Variants in COL28A1 observed in about 807,000 individuals in gnomAD.
COL28A1 encodes the protein collagen alpha-1(XXVIII) chain.
COL28A1 carries 161 observed loss-of-function variants against 150.2 expected under a neutral mutation model. The ratio of observed to expected loss-of-function variants is 1.07; its 90% CI spans 0.94 to 1.22. The LOEUF is 1.22. Among genes scored for constraint, COL28A1 ranks in the 50% most tolerant of loss-of-function variants. The pLI, the probability that COL28A1 is intolerant of heterozygous loss-of-function variation, is 0.00. For missense variants in COL28A1, 1,617 were observed against 1,388.3 expected, an observed-to-expected ratio of 1.16 and a Z score of -2.62; for synonymous variants, 552 against 469.7, an observed-to-expected ratio of 1.18 and a Z score of -2.26.
At chr7:7,411,221 C>T (rs769644761) in intron 27 of COL28A1, among the ~76,000 whole-genome samples, 38 of 152,176 alleles carry the variant, frequency 2.5e-4, no homozygotes, top group Non-Finnish European at 3.1e-4. Context: ...TGTGGCACAA[C>T]TGAGACAAAC....
intron 27 of COL28A1, among the ~76,000 whole-genome samples, chr7:7,416,454 T>G (rs751798695): frequency 6.6e-6 from 1 of 152,200 alleles, no homozygotes; most frequent in Non-Finnish European, 1.5e-5. Flanking sequence ...CCTAACAGCA[T>G]GTGTGAACTG....
intron 25 of COL28A1, among the ~76,000 whole-genome samples, chr7:7,431,005 T>A (rs1365474856): frequency 6.6e-6 from 1 of 152,146 alleles, no homozygotes; most frequent in Non-Finnish European, 1.5e-5. Flanking sequence ...GTGGCAGCTA[T>A]CAAGATTCCC....
At chr7:7,381,193 T>G (rs1198085488) in intron 28 of COL28A1, among the ~76,000 whole-genome samples, 1 of 152,170 alleles carries the variant, frequency 6.6e-6, no homozygotes, top group African/African-American at 2.4e-5. Context: ...ATGTTGTAAG[T>G]ATGTTGTAAG....
intron 20 of COL28A1, among the ~76,000 whole-genome samples, chr7:7,443,077 G>T (rs1785938258): frequency 6.6e-6 from 1 of 151,888 alleles, no homozygotes; most frequent in African/African-American, 2.4e-5. Context: ...AATCTTAGGG[G>T]CTATAGGTTA....
At chr7:7,419,984 A>AG in intron 25 of COL28A1, 31 bp from the exon 26 acceptor site, 1 of 1,472,550 alleles carries the variant, frequency 6.8e-7, no homozygotes, top group African/African-American at 1.5e-5. Flanking sequence ...ACAAGTTACT[A>AG]ATTTTTTAAA....
At position 7,474,664 on chromosome 7, in the gene COL28A1, T is replaced by C. The variant is rs774572375; in HGVS notation, c.1239A>G (p.Glu413=). Residue 413 remains glutamate (E), a synonymous_variant, in exon 15 of 35, where the codon GAA becomes GAG. Transcript: ENST00000399429. ...PGEGFPGPKG[E]KGSEGPTGPQ... ...GGCCAGTTGGTCCTTCAGAACCTTT[T>C]TCACCCTGAAAGTACAAGGGAGGGA... The C allele has an allele frequency of 7.3e-6, 10 of 1,374,458 alleles. No individual in the cohort carries two copies. The East Asian group carries it at 2.1e-4, about 28-fold the overall frequency. 85.1% of individuals were successfully genotyped at this position (1,374,458 alleles called of 1,614,324 possible).
upstream of COL28A1, among the ~76,000 whole-genome samples, chr7:7,536,691 C>T (rs986311146): frequency 1.3e-5 from 2 of 152,112 alleles, no homozygotes; most frequent in Admixed American, 6.6e-5. Context: ...GCAAGATCAT[C>T]CGAGAAAGCA....
At chr7:7,480,904 C>T (rs1047937878) in intron 13 of COL28A1, among the ~76,000 whole-genome samples, 1 of 152,176 alleles carries the variant, frequency 6.6e-6, no homozygotes, top group African/African-American at 2.4e-5. Flanking sequence ...GCACAACATC[C>T]TCCTCAAAAT....
Position 7,479,903 on chromosome 7 carries a change from T to C in COL28A1, c.1165-2723A>G, listed in dbSNP as rs192703474. Among the ~76,000 whole-genome samples the C allele has an allele frequency of 6.2e-4, 94 of 152,308 alleles. 1 individual carries two copies. The highest frequency in any genetic ancestry group is 2.1e-3 in the African/African-American group (89 of 41,568). On this transcript the variant is annotated intron_variant, in intron 13 of 34. Transcript: ENST00000399429. ...TCTTCTTGGCCAGAAGGTAAAAAAG[T>C]AGTAAAGGAACTTACAACAAGAATC...
In COL28A1 at chr7:7,358,716, G is replaced by A. The variant is rs148652610; in HGVS notation, c.3295C>T (p.Arg1099Ter). 13 of 1,613,874 alleles carry A rather than the reference G, an allele frequency of 8.1e-6. No homozygotes were observed. Among genetic ancestry groups the A allele is most frequent in the South Asian group, 4.4e-5 (4 of 91,064 alleles). The change falls in exon 35 of 35, where the codon CGA becomes TGA. Residue 1099 changes from arginine (R) to a stop codon, truncating the protein, a stop_gained. Transcript: ENST00000399429. LOFTEE classifies it high-confidence loss of function. Reference sequence around the variant, plus strand: ...CCATTACAGCCACTGAACCAAAATCGGGCACAAGAGTTGACCTGTTTGTCA... The same window carrying A: ...CCATTACAGCCACTGAACCAAAATCAGGCACAAGAGTTGACCTGTTTGTCA... ...YYDKQVNSCA[R>*]FWFSGCNGSG...
chr7:7,417,395 G>A (rs1267262258), intron 27 of COL28A1, among the ~76,000 whole-genome samples: 4 of 150,240 alleles, frequency 2.7e-5, no homozygotes, highest in African/African-American at 9.9e-5. Context: ...CTGGGAAAGG[G>A]CATTAGTACT....
At chr7:7,510,038 C>G (rs1434217799) in intron 9 of COL28A1, among the ~76,000 whole-genome samples, 4 of 152,040 alleles carry the variant, frequency 2.6e-5, no homozygotes, top group African/African-American at 4.8e-5. Context: ...TTCTCCTAAC[C>G]TTCTGCCTCA....
intron 27 of COL28A1, among the ~76,000 whole-genome samples, chr7:7,416,980 C>G (rs1784116398): frequency 6.6e-6 from 1 of 151,412 alleles, no homozygotes; most frequent in South Asian, 2.1e-4. Flanking sequence ...AGTTTCAAAG[C>G]TTAAGCATGG....
rs116239003 is a variant in COL28A1, at chr7:7,452,185, C to G, written c.1509+134G>C. ...AGCTTTTGCAGTAGTAGTAGCCGCA[C>G]TTAAAAAGTAAAAGGAGCCCATTAT... On this transcript the variant is annotated intron_variant, in intron 18 of 34. Transcript: ENST00000399429. 6.5e-3 allele frequency: 8,649 copies of G among 1,339,662 alleles called. 225 individuals are homozygous for G. The African/African-American group carries it at 0.075, about 12-fold the overall frequency. 83.0% of individuals were successfully genotyped at this position (1,339,662 alleles called of 1,614,324 possible).
chr7:7,511,852 A>C (rs1479040431), intron 8 of COL28A1: 2 of 468,088 alleles, frequency 4.3e-6, no homozygotes, highest in Non-Finnish European at 8.9e-6. Context: ...TTGCTGAAAA[A>C]ACAACATTTG....
At chr7:7,496,987 G>C (rs1219805335) in intron 11 of COL28A1, among the ~76,000 whole-genome samples, 1 of 146,898 alleles carries the variant, frequency 6.8e-6, no homozygotes, top group Non-Finnish European at 1.5e-5. Flanking sequence ...TGTATACAGA[G>C]ACTTGGGAGA....
At chr7:7,465,533 C>T (rs1229618563) in intron 15 of COL28A1, among the ~76,000 whole-genome samples, 29 of 138,654 alleles carry the variant, frequency 2.1e-4, no homozygotes, top group Admixed American at 1.1e-3. Context: ...GGGGGAGGGG[C>T]GCCCGCCATT....
At chr7:7,476,859 A>G (rs2128354240) in intron 14 of COL28A1, among the ~76,000 whole-genome samples, 1 of 152,296 alleles carries the variant, frequency 6.6e-6, no homozygotes, top group Admixed American at 6.5e-5. Flanking sequence ...ACTACAAACT[A>G]CTTTAAGAGA....
chr7:7,443,080 A>G (rs1785938463), intron 20 of COL28A1, among the ~76,000 whole-genome samples: 1 of 152,112 alleles, frequency 6.6e-6, no homozygotes, highest in African/African-American at 2.4e-5. Context: ...CTTAGGGGCT[A>G]TAGGTTATGT....
Sources: allele counts gnomAD v4.1 joint callset (sites outside exome capture counted in the v4.1 genomes callset), GRCh38; gene constraint gnomAD v4.1.1; transcripts MANE v1.5; gene names NCBI Gene and HGNC (gene_info 2026-07-23, HGNC 2026-07-21).